SIN3A: variants seen among roughly 807,000 people sequenced by gnomAD.
SIN3A encodes paired amphipathic helix protein Sin3a.
A neutral mutation model predicts 146.1 loss-of-function variants in SIN3A; 14 were observed. The ratio of observed to expected loss-of-function variants is 0.10; its 90% CI spans 0.06 to 0.15. The LOEUF is 0.15. Ranked by LOEUF, SIN3A falls within the 10% of genes least tolerant of loss-of-function variation. The pLI is 1.00. For missense variants in SIN3A, 1,028 were observed against 1,576.0 expected (o/e 0.65, Z 5.89); for synonymous variants, 572 against 572.0 (o/e 1.00, Z 0.00).
chr15:75,375,285 G>GAC (rs148943846), intron 20 of SIN3A, among the ~76,000 whole-genome samples: 5 of 151,992 alleles, frequency 3.3e-5, no homozygotes, highest in Non-Finnish European at 5.9e-5. Context: ...TCTGGAGGCA[G>GAC]ACACACACAC....
At chr15:75,376,859 T>TAA (rs200318256) in intron 19 of SIN3A, among the ~76,000 whole-genome samples, 210 of 115,760 alleles carry the variant, frequency 1.8e-3, no homozygotes, top group African/African-American at 5.8e-3. Context: ...GACACTGTCT[T>TAA]AAAAAAAAAA....
intron 15 of SIN3A, among the ~76,000 whole-genome samples, chr15:75,391,239 A>AAGG (rs1484790062): frequency 6.6e-6 from 1 of 152,198 alleles, no homozygotes; most frequent in Non-Finnish European, 1.5e-5. Flanking sequence ...AAGCTGTGGT[A>AAGG]AGTGTGAGGG....
chr15:75,394,644 A>C, intron 14 of SIN3A, 36 bp downstream of exon 14: 1 of 1,524,888 alleles, frequency 6.6e-7, no homozygotes, highest in Non-Finnish European at 9.0e-7. Flanking sequence ...AATATAGACT[A>C]GAGTCCTCTC....
intron 1 of SIN3A, among the ~76,000 whole-genome samples, chr15:75,446,735 T>C (rs1404448701): frequency 6.6e-6 from 1 of 152,012 alleles, no homozygotes; most frequent in Non-Finnish European, 1.5e-5. Flanking sequence ...CAAACGATCC[T>C]CCCACTTGAG....
At chr15:75,449,278 G>T (rs1262800867) in intron 1 of SIN3A, among the ~76,000 whole-genome samples, 1 of 152,128 alleles carries the variant, frequency 6.6e-6, no homozygotes, top group Non-Finnish European at 1.5e-5. Flanking sequence ...AGCAGAGAAG[G>T]TAGGACCCAC....
At chr15:75,450,852 GA>G (rs1283021772) in intron 1 of SIN3A, among the ~76,000 whole-genome samples, 2 of 152,222 alleles carry the variant, frequency 1.3e-5, no homozygotes, top group Non-Finnish European at 2.9e-5. Flanking sequence ...CATTGCCAAG[GA>G]GGCGGAAACC....
At chr15:75,375,275 T>A (rs746844694) in intron 20 of SIN3A, among the ~76,000 whole-genome samples, 1 of 152,004 alleles carries the variant, frequency 6.6e-6, no homozygotes, top group Admixed American at 6.6e-5. Context: ...TGTGACCTCA[T>A]CTGGAGGCAG....
chr15:75,427,095 G>C (rs2073937883), intron 2 of SIN3A, among the ~76,000 whole-genome samples: 1 of 152,096 alleles, frequency 6.6e-6, no homozygotes, highest in Non-Finnish European at 1.5e-5. Context: ...AAGTGTGGCA[G>C]GGTGCAGTGG....
At chr15:75,451,972 A>T (rs1225725131), upstream of SIN3A, among the ~76,000 whole-genome samples, 1 of 151,986 alleles carries the variant, frequency 6.6e-6, no homozygotes, top group African/African-American at 2.4e-5. Flanking sequence ...GGAAGCAGGG[A>T]AGCTCTTCCT....
intron 19 of SIN3A, among the ~76,000 whole-genome samples, chr15:75,377,999 C>G (rs1041385552): frequency 6.6e-6 from 1 of 152,224 alleles, no homozygotes; most frequent in African/African-American, 2.4e-5. Context: ...ATCAGCCACC[C>G]TGAGCTTGAC....
Position 75,375,811 on chromosome 15 carries a change from C to T in SIN3A, c.3445G>A (p.Glu1149Lys). 1 of 1,614,218 alleles carries T rather than the reference C, an allele frequency of 6.2e-7. No homozygotes were observed. The highest frequency in any genetic ancestry group is 8.5e-7 in the Non-Finnish European group (1 of 1,180,046). ...TCCATGGTCTTCTTGCTGTTTCCTT[C>T]CTTCCCTTCCTTTTCCTGCTGCTCT... ...GREQQEKEGK[E>K]GNSKKTMENV... The change falls in exon 20 of 21, where the codon GAA becomes AAA. Residue 1149 changes from glutamate to lysine, a missense_variant. Glu to Lys is a moderately conservative substitution (Grantham distance 56). Coordinates refer to ENST00000394947, the MANE Select transcript of SIN3A (RefSeq NM_001145358.2).
intron 13 of SIN3A, 89 bp from the exon 14 acceptor site, chr15:75,394,952 A>C: frequency 8.0e-7 from 1 of 1,256,550 alleles, no homozygotes; most frequent in Non-Finnish European, 1.1e-6. Context: ...TAGTTAAAGA[A>C]AGGTGCAAAG....
chr15:75,406,705 G>T (rs1020030745), intron 9 of SIN3A, among the ~76,000 whole-genome samples: 1 of 152,246 alleles, frequency 6.6e-6, no homozygotes, highest in East Asian at 1.9e-4. Context: ...AAGATTACAA[G>T]TCATCTTAAA....
chr15:75,451,001 T>C (rs2074394729), intron 1 of SIN3A, among the ~76,000 whole-genome samples: 2 of 150,928 alleles, frequency 1.3e-5, no homozygotes, highest in Admixed American at 1.3e-4. Context: ...GCCCTGAATC[T>C]ACACGCGGGA....
At chr15:75,394,965 A>G (rs923470077) in intron 13 of SIN3A, 102 bp from the exon 14 acceptor site, 18 of 1,066,342 alleles carry the variant, frequency 1.7e-5, no homozygotes, top group South Asian at 1.2e-4. Context: ...GTGCAAAGCT[A>G]TATTAGGTCT....
intron 18 of SIN3A, 94 bp from the exon 19 acceptor site, chr15:75,380,817 C>T: frequency 2.4e-6 from 2 of 817,804 alleles, no homozygotes; most frequent in Non-Finnish European, 4.2e-6. Context: ...ATTACAATGC[C>T]CCGAATTCAT....
intron 15 of SIN3A, among the ~76,000 whole-genome samples, chr15:75,391,641 C>G (rs921261633): frequency 1.3e-5 from 2 of 152,168 alleles, no homozygotes; most frequent in Non-Finnish European, 2.9e-5. Context: ...AAGCAGGCAG[C>G]ACAAAATTAC....
chr15:75,407,818 AGGAGGT>A (rs2073543875), intron 8 of SIN3A, among the ~76,000 whole-genome samples: 1 of 133,952 alleles, frequency 7.5e-6, no homozygotes, highest in Non-Finnish European at 1.6e-5. Context: ...GCTTGAACCC[AGGAGGT>A]GGAGGCTGCA....
In SIN3A at chr15:75,411,198, G is replaced by A. The variant is rs553046566; in HGVS notation, c.1008+294C>T. Among the ~76,000 whole-genome samples the A allele has an allele frequency of 8.5e-5, 13 of 152,112 alleles. No homozygotes were observed. The East Asian group carries it at 2.1e-3, about 25-fold the overall frequency. ...AAAAAATTAGCTGGGCGTGGTGGGCGGAGCCTGTAATCCCAGCTACTAGGG... is the reference window on the plus strand; with the variant it reads ...AAAAAATTAGCTGGGCGTGGTGGGCAGAGCCTGTAATCCCAGCTACTAGGG... On this transcript the variant is annotated intron_variant, in intron 6 of 20. Transcript: ENST00000394947.
Sources: allele counts gnomAD v4.1 joint callset (sites outside exome capture counted in the v4.1 genomes callset), GRCh38; gene constraint gnomAD v4.1.1; transcripts MANE v1.5; gene names NCBI Gene and HGNC (gene_info 2026-07-23, HGNC 2026-07-21).